SRGAP1: variants seen among roughly 807,000 people sequenced by gnomAD.
SRGAP1 encodes SLIT-ROBO Rho GTPase-activating protein 1.
A neutral mutation model predicts 121.9 loss-of-function variants in SRGAP1; 43 were observed. The ratio of observed to expected loss-of-function variants is 0.35; its 90% confidence interval spans 0.28 to 0.46. The LOEUF (loss-of-function observed/expected upper bound fraction) is 0.46, where lower values mean the gene tolerates loss of function less well. Among genes scored for constraint, SRGAP1 ranks in the 20% least tolerant of loss-of-function variants. The pLI is 1.00. For synonymous variants in SRGAP1, 447 were observed against 485.4 expected (o/e 0.92, Z 1.04); for missense variants, 1,102 against 1,350.9 (o/e 0.82, Z 2.89).
At chr12:63,965,905 G>A (rs2032776601) in intron 1 of SRGAP1, among the ~76,000 whole-genome samples, 2 of 152,086 alleles carry the variant, frequency 1.3e-5, no homozygotes. Context: ...TGCAACCTCC[G>A]CCTCCTAGGT....
chr12:64,125,140 G>C (rs1253962261), intron 18 of SRGAP1, among the ~76,000 whole-genome samples: 1 of 151,866 alleles, frequency 6.6e-6, no homozygotes, highest in East Asian at 1.9e-4. Context: ...CCCAACCTCT[G>C]GCAACCACTA....
intron 11 of SRGAP1, among the ~76,000 whole-genome samples, chr12:64,088,399 A>AT (rs922163090): frequency 6.6e-6 from 1 of 152,150 alleles, no homozygotes; most frequent in Non-Finnish European, 1.5e-5. Flanking sequence ...AAAAAAAGAG[A>AT]TTTTTTTAAA....
At chr12:64,003,023 TGAGA>T (rs141854046) in intron 3 of SRGAP1, among the ~76,000 whole-genome samples, 2,081 of 106,730 alleles carry the variant, frequency 0.019, 18 homozygotes, top group Middle Eastern at 0.043. Flanking sequence ...TGTATGTGAG[TGAGA>T]GAGAGAGAGA....
At chr12:64,123,735 C>T (rs1327088192) in intron 18 of SRGAP1, among the ~76,000 whole-genome samples, 12 of 151,706 alleles carry the variant, frequency 7.9e-5, no homozygotes, top group Non-Finnish European at 2.9e-5. Flanking sequence ...TCTCCAACTC[C>T]TGGGCCACAC....
intron 8 of SRGAP1, among the ~76,000 whole-genome samples, chr12:64,069,692 C>G (rs551966350): frequency 1.2e-4 from 19 of 152,052 alleles, no homozygotes; most frequent in African/African-American, 4.3e-4. Context: ...AGACAGGGTC[C>G]CGCTCTGTCA....
chr12:63,848,007 T>TTATATATA (rs564914474), intron 1 of SRGAP1, among the ~76,000 whole-genome samples: 18 of 145,980 alleles, frequency 1.2e-4, no homozygotes, highest in African/African-American at 4.6e-4. Flanking sequence ...AATTTTTATT[T>TTATATATA]TATATATATA....
At chr12:63,910,217 G>A (rs1159232165) in intron 1 of SRGAP1, among the ~76,000 whole-genome samples, 1 of 152,186 alleles carries the variant, frequency 6.6e-6, no homozygotes, top group Non-Finnish European at 1.5e-5. Flanking sequence ...ACAAGGTTAA[G>A]TCCAAAATCC....
intron 1 of SRGAP1, among the ~76,000 whole-genome samples, chr12:63,903,409 T>A (rs2030030338): frequency 6.6e-6 from 1 of 151,996 alleles, no homozygotes; most frequent in Non-Finnish European, 1.5e-5. Flanking sequence ...ACAAATACAA[T>A]ACGTTTTTGT....
chr12:64,067,979 A>T (rs560138800), intron 8 of SRGAP1, among the ~76,000 whole-genome samples: 154 of 152,202 alleles, frequency 1.0e-3, no homozygotes, highest in African/African-American at 3.4e-3. Flanking sequence ...TGGACAGTAC[A>T]GCTAAGTAGA....
intron 1 of SRGAP1, chr12:63,872,017 G>A (rs1899870856): frequency 1.2e-6 from 1 of 859,360 alleles, no homozygotes; most frequent in Non-Finnish European, 2.0e-6. Flanking sequence ...GCTTACAAAG[G>A]TTCTTCGGGT....
intron 15 of SRGAP1, chr12:64,097,621 C>T (rs2036184599): frequency 1.7e-5 from 6 of 358,314 alleles, no homozygotes; most frequent in Admixed American, 4.4e-5. Context: ...GCTTCCCACT[C>T]ATGGCTGGAA....
At chr12:63,951,251 C>G (rs2136365284) in intron 1 of SRGAP1, among the ~76,000 whole-genome samples, 1 of 141,886 alleles carries the variant, frequency 7.0e-6, no homozygotes, top group Admixed American at 7.7e-5. Context: ...GCAACCTCCG[C>G]TTTCCGGGTT....
chr12:64,008,070 C>T (rs2034139626), intron 3 of SRGAP1, among the ~76,000 whole-genome samples: 1 of 152,150 alleles, frequency 6.6e-6, no homozygotes, highest in South Asian at 2.1e-4. Context: ...ATGTGCCAGA[C>T]ACTCTGTTAA....
chr12:64,120,297 C>A (rs745890963), intron 18 of SRGAP1: 1 of 152,086 alleles, frequency 6.6e-6, no homozygotes, highest in Non-Finnish European at 1.5e-5. Context: ...ACTTTAGGCT[C>A]AGTGGAAGGT....
intron 1 of SRGAP1, among the ~76,000 whole-genome samples, chr12:63,920,781 G>A (rs1476269908): frequency 2.0e-5 from 3 of 152,150 alleles, no homozygotes; most frequent in African/African-American, 7.2e-5. Context: ...GTGTGAAAAA[G>A]GGAGGAATTA....
rs979228100 is a variant in SRGAP1 at position 64,065,181 on chromosome 12, C to G, written c.1087C>G (p.Gln363Glu). 2 of 1,613,580 alleles carry G rather than the reference C, an allele frequency of 1.2e-6. No individual in the cohort carries two copies. The highest frequency in any genetic ancestry group is 1.7e-6 in the Non-Finnish European group (2 of 1,179,846). ...AELMLRYQQL[Q>E]SRLATLKIEN... Reference sequence around the variant, plus strand: ...GCTCATGCTCAGGTACCAACAGTTGCAGTCCCGCCTTGCCACGCTCAAAAT... The same window carrying G: ...GCTCATGCTCAGGTACCAACAGTTGGAGTCCCGCCTTGCCACGCTCAAAAT... The change falls in exon 8 of 22, where the codon CAG becomes GAG. Residue 363 changes from glutamine to glutamate, a missense_variant. By Grantham distance (29) the Gln-to-Glu change is conservative. Around this residue, in one of 3 missense-constraint regions of SRGAP1, gnomAD observed 747 missense variants for 929.4 expected, o/e 0.80. Transcript: ENST00000355086.
intron 1 of SRGAP1, among the ~76,000 whole-genome samples, chr12:63,860,100 G>C (rs1899395976): frequency 6.6e-6 from 1 of 152,072 alleles, no homozygotes; most frequent in African/African-American, 2.4e-5. Context: ...CTGCCTCCTG[G>C]GCTCAAGCAG....
At chr12:63,961,001 C>T (rs781543882) in intron 1 of SRGAP1, among the ~76,000 whole-genome samples, 1 of 152,156 alleles carries the variant, frequency 6.6e-6, no homozygotes, top group Non-Finnish European at 1.5e-5. Flanking sequence ...CAAGCCACTA[C>T]GTTTGTGGTC....
chr12:63,866,563 C>T (rs969446717), intron 1 of SRGAP1, among the ~76,000 whole-genome samples: 8 of 152,132 alleles, frequency 5.3e-5, no homozygotes, highest in Admixed American at 2.6e-4. Context: ...ATTCCAATAT[C>T]AGACAGCAAA....
Sources: allele counts gnomAD v4.1 joint callset (sites outside exome capture counted in the v4.1 genomes callset), GRCh38; gene constraint gnomAD v4.1.1; regional missense constraint gnomAD v4.1.1; transcripts MANE v1.5; gene names NCBI Gene and HGNC (gene_info 2026-07-23, HGNC 2026-07-21).